Variants in PLXNA3 observed in about 807,000 individuals in gnomAD.
The protein encoded by PLXNA3 is plexin A3.
Under a neutral mutation model 118.8 loss-of-function variants are expected in PLXNA3, and 52 were observed. That is an observed-to-expected ratio of 0.44 (90% CI 0.35 to 0.55). PLXNA3 has a LOEUF of 0.55. Ranked by LOEUF, PLXNA3 falls within the 20% of genes least tolerant of loss-of-function variation. The pLI, the probability that PLXNA3 is intolerant of heterozygous loss-of-function variation, is 0.01. For missense variants in PLXNA3, 1,660 were observed against 1,730.8 expected (o/e 0.96, Z 0.73); for synonymous variants, 925 against 762.4 (o/e 1.21, Z -3.51).
chrX:154,466,545 C>T (rs1557207206), intron 16 of PLXNA3, 33 bp downstream of exon 16: 2 of 1,196,566 alleles, frequency 1.7e-6, no homozygotes, highest in Non-Finnish European at 2.3e-6. Flanking sequence ...TTGGGTTGGG[C>T]ATCGTGTGGG....
chrX:154,460,228 G>A lies in PLXNA3; in HGVS notation c.45G>A (p.Gly15=), dbSNP rs782478833. The change falls in exon 2 of 33, where the codon GGG becomes GGA. Residue 15 remains glycine, a synonymous_variant. Transcript: ENST00000369682. ...CLLLLLFLAV[G]GALGNRPFRA... is the part of the protein sequence containing the mutation. ...TCCTGCTGCTCTTCCTTGCCGTGGG[G>A]GGGGCCCTGGGCAACAGGCCCTTCC... The A allele has an allele frequency of 8.3e-6, 10 of 1,208,144 alleles. No individual in the cohort carries two copies. The Admixed American group carries it at 1.1e-4, about 13-fold the overall frequency.
rs983080082 is a variant in PLXNA3 at position 154,462,226 on chromosome X, C to T, written c.1233C>T (p.Thr411=). ...GGCTGCCCCTGCTGGCCGACAGCACCGACGGCATGGCCAGCGTGGCCGCCT... is the reference window on the plus strand; with the variant it reads ...GGCTGCCCCTGCTGGCCGACAGCACTGACGGCATGGCCAGCGTGGCCGCCT... ...IEGLPLLADS[T]DGMASVAAYT... The change falls in exon 4 of 33, where the codon ACC becomes ACT. Residue 411 remains threonine (T), a synonymous_variant. Transcript: ENST00000369682. 7.5e-6 allele frequency: 9 copies of T among 1,201,789 alleles called. No homozygotes were observed. Among genetic ancestry groups the T allele is most frequent in the African/African-American group, 7.0e-5 (4 of 57,140 alleles).
At chrX:154,472,170 A>G (rs1557209690) in intron 32 of PLXNA3, among the ~76,000 whole-genome samples, 1 of 111,309 alleles carries the variant, frequency 9.0e-6, no homozygotes, top group African/African-American at 3.3e-5. Context: ...AACCTGAGCC[A>G]GTGAGGACCC....
rs782092046 is a variant in PLXNA3, at chrX:154,467,562, C to A, written c.3459C>A (p.Pro1153=). Residue 1153 remains proline (P), a synonymous_variant, in exon 20 of 33, where the codon CCC becomes CCA. Coordinates refer to ENST00000369682, the MANE Select transcript of PLXNA3 (RefSeq NM_017514.5). The part of the protein sequence containing the change: ...HVVLKGKNLI[P]AAAGSSRLNY... ...ACCCCCAGGGCAAGAACCTGATTCC[C>A]GCTGCAGCCGGCAGCTCCCGCCTCA... 8.4e-7 allele frequency: 1 copy of A among 1,185,588 alleles called. No homozygotes were observed. The highest frequency in any genetic ancestry group is 3.1e-5 in the East Asian group (1 of 32,417).
In PLXNA3 at chrX:154,461,266, C is replaced by T. The variant is rs782427670; in HGVS notation, c.762C>T (p.Gly254=). The change falls in exon 3 of 33, where the codon GGC becomes GGT. Residue 254 remains glycine, a synonymous_variant. Coordinates refer to ENST00000369682, the MANE Select transcript of PLXNA3 (RefSeq NM_017514.5). ...AGCAGACGCTGTTGGACACAGCGGGCGAGAAATTTTTCACGTCCAAGATCG... is the reference window on the plus strand; with the variant it reads ...AGCAGACGCTGTTGGACACAGCGGGTGAGAAATTTTTCACGTCCAAGATCG... The part of the protein sequence containing the change: ...DTQQTLLDTA[G]EKFFTSKIVR... 7 of 1,212,289 alleles carry T rather than the reference C, an allele frequency of 5.8e-6. No individual in the cohort carries two copies. The highest frequency in any genetic ancestry group is 7.8e-6 in the Non-Finnish European group (7 of 895,459).
chrX:154,477,711 A>T lies in PLXNA3; in HGVS notation c.*5026A>T. 1 of 245,705 alleles carries T rather than the reference A, an allele frequency of 4.1e-6. No homozygotes were observed. Among genetic ancestry groups the T allele is most frequent in the East Asian group, 6.6e-5 (1 of 15,128 alleles). 20.2% of individuals were successfully genotyped at this position (245,705 alleles called of 1,213,427 possible). On this transcript the variant is annotated 3_prime_UTR_variant, in exon 33 of 33. Coordinates refer to ENST00000369682, the MANE Select transcript of PLXNA3 (RefSeq NM_017514.5). ...ATCTGAATTCTAGAACCCCCCCCCC[A>T]GCAACCCAAGCACAACAAGAATATT...
chrX:154,468,610 C>T (rs782736332), intron 23 of PLXNA3, 51 bp downstream of exon 23: 37 of 1,207,121 alleles, frequency 3.1e-5, no homozygotes, highest in Non-Finnish European at 4.1e-5. Context: ...CTGGGCCTGC[C>T]CCCTGTCCAA....
rs782142473 is a variant in PLXNA3 at position 154,470,676 on chromosome X, C to T, written c.5156+65C>T. Reference sequence around the variant, plus strand: ...ACTGGTGGGCGGAAGACGCTGGTGGCTCTGCTGAGACCCAGGGCCTGGAGT... The same window carrying T: ...ACTGGTGGGCGGAAGACGCTGGTGGTTCTGCTGAGACCCAGGGCCTGGAGT... On this transcript the variant is annotated intron_variant, in intron 30 of 32. Coordinates refer to ENST00000369682, the MANE Select transcript of PLXNA3 (RefSeq NM_017514.5). 5.6e-4 allele frequency: 595 copies of T among 1,056,964 alleles called. 1 individual carries two copies. The highest frequency in any genetic ancestry group is 4.8e-4 in the Non-Finnish European group (368 of 765,266). The allele number at this position is 1,056,964 out of a possible 1,213,427, so 87.1% of individuals were successfully genotyped here. A position where few individuals can be genotyped will look rare whatever the true frequency, so the allele number is the denominator to read the frequency against.
In PLXNA3 at chrX:154,475,028, C is replaced by T. The variant is rs1468351922; in HGVS notation, c.*2343C>T. On this transcript the variant is annotated 3_prime_UTR_variant, in exon 33 of 33. Coordinates refer to ENST00000369682, the MANE Select transcript of PLXNA3 (RefSeq NM_017514.5). ...TTGAACCTCCTGGGCTCAAGTGATC[C>T]TCCTGTTTTGGCCTCCCAAAATTCT... The T allele has an allele frequency of 2.0e-5, 2 of 101,957 alleles. No individual in the cohort carries two copies. Among genetic ancestry groups the T allele is most frequent in the East Asian group, 6.1e-4 (2 of 3,291 alleles). The allele number at this position is 101,957 out of a possible 1,213,427, so 8.4% of individuals were successfully genotyped here.
chrX:154,466,125 G>T (rs376752924), intron 14 of PLXNA3, 25 bp from the exon 15 acceptor site: 5 of 1,209,015 alleles, frequency 4.1e-6, no homozygotes, highest in Admixed American at 2.2e-5. Flanking sequence ...TGGCCTGGCC[G>T]GCCCTGACGC....
intron 3 of PLXNA3, 59 bp downstream of exon 3, chrX:154,461,697 G>T: frequency 9.4e-7 from 1 of 1,068,001 alleles, no homozygotes; most frequent in South Asian, 2.1e-5. Flanking sequence ...ACCATGCCCA[G>T]CGTGGGCTCA....
rs140777906 is a variant in PLXNA3 at position 154,468,903 on chromosome X, G to A, written c.4368G>A (p.Thr1456=). Residue 1456 remains threonine, a synonymous_variant, in exon 25 of 33, where the codon ACG becomes ACA. Transcript: ENST00000369682. ...QMEKGPIDAI[T]GEARYSLSED... is the part of the protein sequence containing the mutation. ...AGAAGGGCCCCATTGATGCCATCAC[G>A]GGCGAGGCACGATACTCCCTGAGCG... 9.2e-4 allele frequency: 1,110 copies of A among 1,209,928 alleles called. 1 individual carries two copies. The highest frequency in any genetic ancestry group is 1.2e-3 in the Non-Finnish European group (1,040 of 895,238).
chrX:154,476,015 A>T lies in PLXNA3; in HGVS notation c.*3330A>T, dbSNP rs781789908. ...GAGATCCCCTCTCTACAAAAAATAA[A>T]AAACTAGCCAGGCATGGTGGTGCAT... On this transcript the variant is annotated 3_prime_UTR_variant, in exon 33 of 33. Coordinates refer to ENST00000369682, the MANE Select transcript of PLXNA3 (RefSeq NM_017514.5). 3 of 111,726 alleles carry T rather than the reference A, an allele frequency of 2.7e-5. No homozygotes were observed. Among genetic ancestry groups the T allele is most frequent in the African/African-American group, 9.8e-5 (3 of 30,722 alleles). 9.2% of individuals were successfully genotyped at this position (111,726 alleles called of 1,213,427 possible).
chrX:154,464,953 C>T (rs1470351150), intron 10 of PLXNA3, 65 bp from the exon 11 acceptor site: 13 of 1,086,276 alleles, frequency 1.2e-5, no homozygotes, highest in Non-Finnish European at 1.6e-5. Flanking sequence ...TTTCTTTGAG[C>T]CTTCTCCAGG....
In PLXNA3 at chrX:154,469,226, C is replaced by T. The variant is rs1557208549; in HGVS notation, c.4594+11C>T. 5.8e-6 allele frequency: 7 copies of T among 1,203,771 alleles called. No individual in the cohort carries two copies. Among genetic ancestry groups the T allele is most frequent in the East Asian group, 3.0e-5 (1 of 33,779 alleles). Reference sequence around the variant, plus strand: ...AGGACATGGACCTGGGTGAGGTCCCCACCCTCTCCTCCTGGCTCCCACTCA... The same window carrying T: ...AGGACATGGACCTGGGTGAGGTCCCTACCCTCTCCTCCTGGCTCCCACTCA... On this transcript the variant is annotated intron_variant, in intron 26 of 32. Transcript: ENST00000369682.
At chrX:154,459,822 AGCCCAGAG>A (rs1216118098) in intron 1 of PLXNA3, among the ~76,000 whole-genome samples, 24 of 112,972 alleles carry the variant, frequency 2.1e-4, no homozygotes, top group African/African-American at 7.1e-4. Flanking sequence ...CGTTGGGGGC[AGCCCAGAG>A]GCCTGGGGCT....
At position 154,469,765 on chromosome X, in the gene PLXNA3, C is replaced by G; in HGVS notation, c.4776C>G (p.Thr1592=). 8.3e-7 allele frequency: 1 copy of G among 1,209,301 alleles called. No individual in the cohort carries two copies. Among genetic ancestry groups the G allele is most frequent in the Non-Finnish European group, 1.1e-6 (1 of 892,989 alleles). The change falls in exon 28 of 33, where the codon ACC becomes ACG. Residue 1592 remains threonine (T), a synonymous_variant. Transcript: ENST00000369682. Reference sequence around the variant, plus strand: ...ACATGGCCAACTCCTTCACCTTCACCCGCTCCCTCAGCCGCTACGGTAGGT... The same window carrying G: ...ACATGGCCAACTCCTTCACCTTCACGCGCTCCCTCAGCCGCTACGGTAGGT... ...AYNMANSFTF[T]RSLSRYESLL... is the part of the protein sequence containing the mutation.
At position 154,464,490 on chromosome X, in the gene PLXNA3, C is replaced by T. The variant is rs1557206237; in HGVS notation, c.1917C>T (p.Ser639=). ...AGADFVFYNC[S]VLQSCMSCVG... is the part of the protein sequence containing the mutation. ...CTGACTTTGTCTTCTACAACTGCAG[C>T]GTCCTCCAGTCGTGAGTACCTGGCC... The change falls in exon 9 of 33, where the codon AGC becomes AGT. Residue 639 remains serine (S), a synonymous_variant. Coordinates refer to ENST00000369682, the MANE Select transcript of PLXNA3 (RefSeq NM_017514.5). The T allele has an allele frequency of 3.3e-6, 4 of 1,203,387 alleles. No individual in the cohort carries two copies. The highest frequency in any genetic ancestry group is 1.7e-5 in the African/African-American group (1 of 57,313).
intron 4 of PLXNA3, 57 bp downstream of exon 4, chrX:154,462,367 G>GGCT (rs1365019044): frequency 2.9e-6 from 2 of 695,762 alleles, no homozygotes; most frequent in African/African-American, 3.8e-5. Context: ...TATGGGACAA[G>GGCT]GCTGGTGGGA....
Sources: allele counts gnomAD v4.1 joint callset (sites outside exome capture counted in the v4.1 genomes callset), GRCh38; gene constraint gnomAD v4.1.1; transcripts MANE v1.5; gene names NCBI Gene and HGNC (gene_info 2026-07-23, HGNC 2026-07-21).